The following SLC35F4 variants were observed in gnomAD, a reference collection of about 807,000 sequenced individuals.
SLC35F4 encodes the protein chromosome 14 open reading frame 36.
SLC35F4 carries 24 observed loss-of-function variants against 44.2 expected under a neutral mutation model. The observed-to-expected ratio is 0.54, with a 90% CI of 0.39 to 0.76. SLC35F4 has a LOEUF of 0.76. Ranked by LOEUF, SLC35F4 falls within the 30% of genes least tolerant of loss-of-function variation. SLC35F4 has a pLI of 0.00. For synonymous variants in SLC35F4, 238 were observed against 223.6 expected, an observed-to-expected ratio of 1.06 and a Z score of -0.57; for missense variants, 562 against 586.1, an observed-to-expected ratio of 0.96 and a Z score of 0.42.
intron 1 of SLC35F4, among the ~76,000 whole-genome samples, chr14:57,910,053 T>G (rs988073082): frequency 3.3e-5 from 5 of 152,140 alleles, no homozygotes; most frequent in African/African-American, 1.2e-4. Context: ...TGATATATGA[T>G]CTTCAACATT....
rs11845887 is a variant in SLC35F4 at position 57,958,619 on chromosome 14, G to A, written n.282+23294C>T. Among the ~76,000 whole-genome samples the A allele has an allele frequency of 3.5e-3, 540 of 152,248 alleles. 3 individuals carry two copies. Among genetic ancestry groups the A allele is most frequent in the African/African-American group, 0.012 (511 of 41,540 alleles). ...TCGTGTGTATACCAAAAACCACTGAGCTCTATACTTTAAAAGGGTGAGTGT... is the reference window on the plus strand; with the variant it reads ...TCGTGTGTATACCAAAAACCACTGAACTCTATACTTTAAAAGGGTGAGTGT... On this transcript the variant is annotated intron_variant and non_coding_transcript_variant, in intron 1 of 1. Coordinates refer to the SLC35F4 transcript ENST00000556568.
chr14:57,612,844 C>A (rs960987725), intron 1 of SLC35F4, among the ~76,000 whole-genome samples: 5 of 150,062 alleles, frequency 3.3e-5, no homozygotes, highest in African/African-American at 1.2e-4. Context: ...AATTTTGAAT[C>A]TCTTATGCCT....
At chr14:57,826,165 C>A (rs565420676) in intron 1 of SLC35F4, among the ~76,000 whole-genome samples, 22 of 152,130 alleles carry the variant, frequency 1.4e-4, no homozygotes, top group Admixed American at 3.9e-4. Context: ...CAAAAACAGA[C>A]AAATAGACCA....
At chr14:57,604,772 G>A (rs1401758610) in intron 1 of SLC35F4, among the ~76,000 whole-genome samples, 1 of 152,090 alleles carries the variant, frequency 6.6e-6, no homozygotes, top group Non-Finnish European at 1.5e-5. Context: ...TAGACCAATG[G>A]AACAGAATAG....
intron 1 of SLC35F4, among the ~76,000 whole-genome samples, chr14:57,634,895 C>A (rs1253941154): frequency 2.0e-5 from 3 of 151,928 alleles, no homozygotes; most frequent in African/African-American, 7.3e-5. Context: ...ACCTAACAAG[C>A]CTTGGTGATG....
chr14:57,728,363 TA>T (rs1408261070), intron 1 of SLC35F4, among the ~76,000 whole-genome samples: 2 of 151,928 alleles, frequency 1.3e-5, no homozygotes, highest in African/African-American at 4.8e-5. Context: ...TTGATTATAC[TA>T]TTTTGTTTTA....
chr14:57,888,275 T>C (rs1888693341), intron 1 of SLC35F4, among the ~76,000 whole-genome samples: 1 of 152,180 alleles, frequency 6.6e-6, no homozygotes, highest in Non-Finnish European at 1.5e-5. Context: ...TGCAGAGGTA[T>C]TTCATAAAAC....
At chr14:57,643,821 T>G (rs183403290) in intron 1 of SLC35F4, among the ~76,000 whole-genome samples, 1 of 151,868 alleles carries the variant, frequency 6.6e-6, no homozygotes, top group Admixed American at 6.6e-5. Context: ...CCTGTGTCCA[T>G]GTGTTCTCAT....
At chr14:57,872,481 A>T (rs1399053227) in intron 1 of SLC35F4, among the ~76,000 whole-genome samples, 1 of 152,094 alleles carries the variant, frequency 6.6e-6, no homozygotes, top group East Asian at 1.9e-4. Flanking sequence ...TGCAGTGACC[A>T]CCCTGTATGG....
At chr14:57,666,713 T>G (rs2074321334) in intron 1 of SLC35F4, among the ~76,000 whole-genome samples, 2 of 151,612 alleles carry the variant, frequency 1.3e-5, no homozygotes, top group Non-Finnish European at 2.9e-5. Context: ...GGAACTTCTT[T>G]TTTTTTTTTT....
chr14:57,632,202 C>T (rs1379593906), intron 1 of SLC35F4, among the ~76,000 whole-genome samples: 1 of 151,790 alleles, frequency 6.6e-6, no homozygotes, highest in African/African-American at 2.4e-5. Context: ...CTATTTAAAA[C>T]TGTAGCAGTA....
intron 1 of SLC35F4, among the ~76,000 whole-genome samples, chr14:57,946,464 CTTTTCTT>C (rs1427883389): frequency 1.6e-5 from 2 of 124,868 alleles, no homozygotes; most frequent in Non-Finnish European, 3.3e-5. Context: ...GTTTTGTTTT[CTTTTCTT>C]TTTTTTTTTT....
intron 1 of SLC35F4, among the ~76,000 whole-genome samples, chr14:57,970,855 T>C (rs17094053): frequency 0.27 from 41,127 of 152,012 alleles, 6,115 homozygotes; most frequent in African/African-American, 0.4. Flanking sequence ...CCTCTGAGAA[T>C]TCTCCTTTTC....
At chr14:57,885,113 G>T (rs948648802) in intron 1 of SLC35F4, among the ~76,000 whole-genome samples, 3 of 152,144 alleles carry the variant, frequency 2.0e-5, no homozygotes, top group African/African-American at 7.2e-5. Context: ...ACCCAAAGAG[G>T]CTCCTGCCCC....
intron 1 of SLC35F4, among the ~76,000 whole-genome samples, chr14:57,637,538 A>G (rs2073060547): frequency 6.6e-6 from 1 of 152,066 alleles, no homozygotes; most frequent in Non-Finnish European, 1.5e-5. Flanking sequence ...ATGTCCAAAT[A>G]CATAAAATGG....
At chr14:57,901,683 A>G (rs915107966) in intron 1 of SLC35F4, among the ~76,000 whole-genome samples, 1 of 152,218 alleles carries the variant, frequency 6.6e-6, no homozygotes, top group Non-Finnish European at 1.5e-5. Context: ...AAAGTTGAAG[A>G]AAAATAAATA....
At chr14:57,963,715 T>A (rs1890381439) in intron 1 of SLC35F4, among the ~76,000 whole-genome samples, 1 of 71,716 alleles carries the variant, frequency 1.4e-5, no homozygotes, top group African/African-American at 7.7e-5. Flanking sequence ...CTAGCTCCTT[T>A]TTTTTTTTTT....
chr14:57,741,860 C>T (rs1449287271), intron 1 of SLC35F4, among the ~76,000 whole-genome samples: 2 of 152,186 alleles, frequency 1.3e-5, no homozygotes, highest in Non-Finnish European at 2.9e-5. Flanking sequence ...GCCCAGCAGA[C>T]TAACAGCAGA....
chr14:57,602,758 AAAG>A (rs1444789398), intron 1 of SLC35F4, among the ~76,000 whole-genome samples: 2 of 152,272 alleles, frequency 1.3e-5, no homozygotes, highest in East Asian at 3.9e-4. Flanking sequence ...TTCATATACT[AAAG>A]AAGTGGTTGG....
Sources: allele counts gnomAD v4.1 joint callset (sites outside exome capture counted in the v4.1 genomes callset), GRCh38; gene constraint gnomAD v4.1.1; transcripts MANE v1.5; gene names NCBI Gene and HGNC (gene_info 2026-07-23, HGNC 2026-07-21).